Variants in UXS1 observed in about 807,000 individuals in gnomAD.
UXS1 encodes the protein UDP-glucuronic acid decarboxylase 1.
Under a neutral mutation model 62.6 loss-of-function variants are expected in UXS1, and 33 were observed. That is an observed-to-expected ratio of 0.53 (90% CI 0.40 to 0.70). The LOEUF (loss-of-function observed/expected upper bound fraction) is 0.70, where lower values mean the gene tolerates loss of function less well. Among genes scored for constraint, UXS1 ranks in the 30% least tolerant of loss-of-function variants. The pLI is 0.00. For missense variants in UXS1, 434 were observed against 556.3 expected (o/e 0.78, Z 2.21); for synonymous variants, 213 against 206.8 (o/e 1.03, Z -0.26).
intron 11 of UXS1, 54 bp from the exon 12 acceptor site, chr2:106,101,172 C>T (rs1468432709): frequency 5.0e-6 from 8 of 1,593,606 alleles, no homozygotes; most frequent in African/African-American, 1.3e-5. Flanking sequence ...ATGCTAGTGC[C>T]ACGCACCACA....
chr2:106,186,453 T>C (rs889648048), intron 1 of UXS1, among the ~76,000 whole-genome samples: 2 of 11,398 alleles, frequency 1.8e-4, no homozygotes, highest in East Asian at 3.7e-3. Flanking sequence ...TATATATATA[T>C]ATATACACAC....
intron 9 of UXS1, among the ~76,000 whole-genome samples, chr2:106,115,892 G>A (rs751058455): frequency 6.6e-6 from 1 of 152,212 alleles, no homozygotes; most frequent in Admixed American, 6.5e-5. Flanking sequence ...TTACTTTGAA[G>A]TGACAGTGAC....
At chr2:106,097,795 C>A (rs141836679) in intron 13 of UXS1, 180 of 157,032 alleles carry the variant, frequency 1.1e-3, no homozygotes, top group Non-Finnish European at 2.3e-3. Context: ...CCCTTCCTCA[C>A]GCAGGAGGAA....
chr2:106,115,147 T>C (rs867213499), intron 9 of UXS1, among the ~76,000 whole-genome samples: 1 of 152,180 alleles, frequency 6.6e-6, no homozygotes, highest in Non-Finnish European at 1.5e-5. Context: ...GGCAGTTCAG[T>C]TGCCACCCAC....
chr2:106,169,315 T>C (rs1360744176), intron 1 of UXS1, among the ~76,000 whole-genome samples: 2 of 152,250 alleles, frequency 1.3e-5, no homozygotes, highest in Non-Finnish European at 2.9e-5. Flanking sequence ...TCTGGGTGGG[T>C]AGCACCTTTT....
chr2:106,130,029 C>T (rs1262600763), intron 6 of UXS1, among the ~76,000 whole-genome samples: 4 of 152,034 alleles, frequency 2.6e-5, no homozygotes, highest in Admixed American at 2.0e-4. Context: ...AGAGTCAATT[C>T]GATTACTGAG....
chr2:106,154,522 C>G (rs1381379843), intron 5 of UXS1, among the ~76,000 whole-genome samples: 5 of 151,976 alleles, frequency 3.3e-5, no homozygotes, highest in Non-Finnish European at 7.4e-5. Context: ...CTCTACCAGC[C>G]AAAGAACACC....
intron 1 of UXS1, among the ~76,000 whole-genome samples, chr2:106,168,620 A>T (rs548329564): frequency 6.6e-6 from 1 of 152,154 alleles, no homozygotes; most frequent in Non-Finnish European, 1.5e-5. Context: ...TTTTGCTTTT[A>T]TCTTACTCTC....
At chr2:106,097,087 C>G (rs1375062319) in intron 13 of UXS1, 5 of 585,560 alleles carry the variant, frequency 8.5e-6, no homozygotes, top group Non-Finnish European at 1.3e-5. Flanking sequence ...TCTGTCTCAA[C>G]AGGCCTGAGT....
intron 6 of UXS1, among the ~76,000 whole-genome samples, chr2:106,130,152 G>A (rs1680318259): frequency 6.6e-6 from 1 of 151,604 alleles, no homozygotes; most frequent in Admixed American, 6.6e-5. Flanking sequence ...AGTTTGTGAG[G>A]CAAATATGAC....
intron 11 of UXS1, 137 bp downstream of exon 11, chr2:106,104,657 T>TA: frequency 9.5e-7 from 1 of 1,054,348 alleles, no homozygotes; most frequent in Non-Finnish European, 1.3e-6. Flanking sequence ...ATCATAAAAT[T>TA]AAAAATTTTT....
At chr2:106,129,590 T>C (rs1680261436) in intron 7 of UXS1, 84 bp downstream of exon 7, 3 of 1,156,410 alleles carry the variant, frequency 2.6e-6, no homozygotes, top group African/African-American at 1.5e-5. Flanking sequence ...GATCAAACTC[T>C]AGTAGAAGAT....
chr2:106,152,353 G>A (rs922799954), intron 5 of UXS1, among the ~76,000 whole-genome samples: 1 of 152,002 alleles, frequency 6.6e-6, no homozygotes, highest in Non-Finnish European at 1.5e-5. Context: ...TTGGGAGGGT[G>A]AGACAGGAGA....
intron 1 of UXS1, among the ~76,000 whole-genome samples, chr2:106,169,065 G>C (rs546149763): frequency 1.1e-4 from 16 of 152,276 alleles, no homozygotes; most frequent in Admixed American, 9.8e-4. Context: ...TCCTGTTCTT[G>C]CCTTTTTCTA....
chr2:106,178,440 A>G (rs1323665347), intron 1 of UXS1, among the ~76,000 whole-genome samples: 2 of 151,890 alleles, frequency 1.3e-5, no homozygotes. Flanking sequence ...AAGTATGTGT[A>G]TGTATATATG....
Position 106,095,231 on chromosome 2 carries a change from T to C in UXS1, c.1147-1074A>G, listed in dbSNP as rs372160465. Among the ~76,000 whole-genome samples the C allele has an allele frequency of 9.8e-5, 15 of 152,358 alleles. No homozygotes were observed. In the East Asian group the frequency reaches 1.9e-3, roughly 20 times the overall value. Reference sequence around the variant, plus strand: ...TCAAAAAATATTTTGTTTAAAAATATAGGCTCTCCTTACAAAGGGACCAAT... The same window carrying C: ...TCAAAAAATATTTTGTTTAAAAATACAGGCTCTCCTTACAAAGGGACCAAT... On this transcript the variant is annotated intron_variant, in intron 14 of 14. Transcript: ENST00000283148.
In UXS1 at chr2:106,164,755, AT is replaced by A; in HGVS notation, c.166del (p.Ile56LeufsTer12). On this transcript the variant is annotated frameshift_variant, in exon 3 of 15. Transcript: ENST00000283148. LOFTEE classifies it high-confidence loss of function. ...ACTAACCTCTTCAATCTTGCTTTCA[AT>A]TTTTAGTTCACCATTTTCCTGGATA... Reference protein sequence around the residue: ...RSIQENGELKIESKIEEMVEP... With the variant: ...RSIQENGELKXESKIEEMVEP... 1.3e-6 allele frequency: 2 copies of A among 1,588,726 alleles called. No homozygotes were observed. The highest frequency in any genetic ancestry group is 1.3e-5 in the African/African-American group (1 of 74,656).
intron 1 of UXS1, among the ~76,000 whole-genome samples, chr2:106,171,174 C>T (rs574360448): frequency 6.6e-6 from 1 of 152,190 alleles, no homozygotes; most frequent in African/African-American, 2.4e-5. Flanking sequence ...TGCAGGGAAC[C>T]CAGTTCAAGA....
Position 106,194,282 on chromosome 2 carries a change from GC to G in UXS1, c.-42del. ...GGGTCCAGGGCCCTACCGCGCGGGG[GC>G]CCGCCTGCTGCACAATGCGCGGCGG... On this transcript the variant is annotated 5_prime_UTR_variant, in exon 1 of 15. Coordinates refer to ENST00000283148, the MANE Select transcript of UXS1 (RefSeq NM_001253875.2). 1 of 1,196,446 alleles carries G rather than the reference GC, an allele frequency of 8.4e-7. No individual in the cohort carries two copies. The highest frequency in any genetic ancestry group is 1.1e-6 in the Non-Finnish European group (1 of 944,558). The allele number at this position is 1,196,446 out of a possible 1,614,324, so 74.1% of individuals were successfully genotyped here.
Sources: gnomAD v4.1 joint callset for allele counts (sites outside exome capture counted in the v4.1 genomes callset) on GRCh38, gnomAD v4.1.1 for gene constraint, MANE v1.5 for transcripts, NCBI Gene and HGNC (gene_info 2026-07-23, HGNC 2026-07-21) for gene names.